The following CRACD variants were observed in gnomAD, a reference collection of about 807,000 sequenced individuals.
The protein encoded by CRACD is capping protein inhibiting regulator of actin dynamics, also known as capping protein-inhibiting regulator of actin dynamics.
Under a neutral mutation model 106.8 loss-of-function variants are expected in CRACD, and 56 were observed. That is an observed-to-expected ratio of 0.52 (90% CI 0.42 to 0.66). The LOEUF is 0.66. Ranked by LOEUF, CRACD falls within the 30% of genes least tolerant of loss-of-function variation. CRACD has a pLI of 0.00. For missense variants in CRACD, 1,730 were observed against 1,623.2 expected (o/e 1.07, Z -1.13); for synonymous variants, 754 against 670.8 (o/e 1.12, Z -1.92).
At chr4:56,219,145 A>T (rs1166193587) in intron 2 of CRACD, among the ~76,000 whole-genome samples, 1 of 151,770 alleles carries the variant, frequency 6.6e-6, no homozygotes, top group South Asian at 2.1e-4. Flanking sequence ...CCTTACTTTT[A>T]CTCCCTGTTG....
chr4:56,137,181 C>T (rs754256575), intron 1 of CRACD, among the ~76,000 whole-genome samples: 7 of 151,824 alleles, frequency 4.6e-5, no homozygotes, highest in Non-Finnish European at 1.0e-4. Flanking sequence ...CCTGTAATCT[C>T]GATGACTTGA....
At chr4:56,324,427 A>G (rs1191112611) in intron 10 of CRACD, among the ~76,000 whole-genome samples, 161 bp downstream of exon 10, 2 of 152,248 alleles carry the variant, frequency 1.3e-5, no homozygotes, top group African/African-American at 4.8e-5. Context: ...GATTAAGCTC[A>G]TTTGATAAAG....
chr4:56,090,327 C>T (rs1160513150), intron 1 of CRACD, among the ~76,000 whole-genome samples: 1 of 152,140 alleles, frequency 6.6e-6, no homozygotes, highest in African/African-American at 2.4e-5. Flanking sequence ...CTCTTATACC[C>T]AGGCGTTCCT....
intron 2 of CRACD, among the ~76,000 whole-genome samples, chr4:56,266,004 G>A (rs1316226424): frequency 6.6e-6 from 1 of 151,606 alleles, no homozygotes; most frequent in Non-Finnish European, 1.5e-5. Context: ...TAATTATGAT[G>A]ATGCAGCCAT....
At chr4:56,116,865 G>A (rs1240478675) in intron 1 of CRACD, among the ~76,000 whole-genome samples, 1 of 151,590 alleles carries the variant, frequency 6.6e-6, no homozygotes, top group Non-Finnish European at 1.5e-5. Flanking sequence ...ACGGCACCAC[G>A]CCTGACTAAT....
rs149097452 is a variant in CRACD, at chr4:56,325,041, A to G, written c.3541+775A>G. Among the ~76,000 whole-genome samples, 8 of 152,322 alleles carry G rather than the reference A, an allele frequency of 5.3e-5. No individual in the cohort carries two copies. In the East Asian group the frequency reaches 1.4e-3, roughly 26 times the overall value. On this transcript the variant is annotated intron_variant, in intron 10 of 10. Transcript: ENST00000682029. ...ATCAATTTTAAAAATACAGAAAAGA[A>G]AGATAAATGTGGGCCAGGTATGGTG...
chr4:56,227,008 G>C (rs559962588), intron 2 of CRACD, among the ~76,000 whole-genome samples: 23 of 151,776 alleles, frequency 1.5e-4, no homozygotes, highest in Admixed American at 3.3e-4. Flanking sequence ...CAGAAGCCAA[G>C]CAGATACTGG....
At chr4:56,166,353 G>A (rs894040797) in intron 1 of CRACD, among the ~76,000 whole-genome samples, 37 of 152,270 alleles carry the variant, frequency 2.4e-4, no homozygotes, top group African/African-American at 8.7e-4. Flanking sequence ...GATCCTAAGT[G>A]TCCAACAACA....
rs1344411560 is a variant in CRACD, at chr4:56,049,105, C to G, written c.-530C>G. ...CCGCGCGGGGCCGGGCGCGCAGTGC[C>G]GCGCGGTGGCGGCAGTGGGGAGAGC... On this transcript the variant is annotated 5_prime_UTR_variant, in exon 1 of 11. Coordinates refer to ENST00000682029, the MANE Select transcript of CRACD (RefSeq NM_001393381.1). 3 of 149,768 alleles carry G rather than the reference C, an allele frequency of 2.0e-5. No homozygotes were observed. Among genetic ancestry groups the G allele is most frequent in the Non-Finnish European group, 4.5e-5 (3 of 67,144 alleles). The allele number at this position is 149,768 out of a possible 1,614,324, so 9.3% of individuals were successfully genotyped here. A position where few individuals can be genotyped will look rare whatever the true frequency, so the allele number is the denominator to read the frequency against.
intron 1 of CRACD, among the ~76,000 whole-genome samples, chr4:56,153,217 T>A (rs1735648796): frequency 6.6e-6 from 1 of 151,832 alleles, no homozygotes; most frequent in African/African-American, 2.4e-5. Context: ...AGGCGGAGGC[T>A]GCAGTGAGCT....
At chr4:56,189,623 C>T (rs1342523764) in intron 2 of CRACD, among the ~76,000 whole-genome samples, 1 of 142,762 alleles carries the variant, frequency 7.0e-6, no homozygotes, top group Non-Finnish European at 1.5e-5. Flanking sequence ...TGTTCAATTC[C>T]CACCTATGAG....
chr4:56,138,636 C>T (rs1046645857), intron 1 of CRACD, among the ~76,000 whole-genome samples: 3 of 152,030 alleles, frequency 2.0e-5, no homozygotes, highest in African/African-American at 7.2e-5. Flanking sequence ...TAAATTCAGA[C>T]TTTATCTATT....
chr4:56,189,122 G>T (rs1195306340), intron 2 of CRACD, among the ~76,000 whole-genome samples: 2 of 151,948 alleles, frequency 1.3e-5, no homozygotes, highest in Non-Finnish European at 2.9e-5. Context: ...GGGAGAGGTT[G>T]CAGTGAGCTA....
At chr4:56,318,989 C>A (rs1019958611) in intron 8 of CRACD, among the ~76,000 whole-genome samples, 1 of 152,160 alleles carries the variant, frequency 6.6e-6, no homozygotes, top group Admixed American at 6.5e-5. Context: ...AAGTAGCAGG[C>A]AAAGAGTTCC....
In CRACD at chr4:56,301,265, T is replaced by C. The variant is rs752501351; in HGVS notation, c.120+2916T>C. 4.3e-5 allele frequency: 55 copies of C among 1,278,498 alleles called. No individual in the cohort carries two copies. In the South Asian group the frequency reaches 5.5e-4, roughly 13 times the overall value. The allele number at this position is 1,278,498 out of a possible 1,614,324, so 79.2% of individuals were successfully genotyped here. A position where few individuals can be genotyped will look rare whatever the true frequency, so the allele number is the denominator to read the frequency against. On this transcript the variant is annotated intron_variant, in intron 4 of 10. Coordinates refer to ENST00000682029, the MANE Select transcript of CRACD (RefSeq NM_001393381.1). ...TGTTCCTGGTAAGTCGTAGAAGTGA[T>C]AGTAACTTTATTAACTTGCATGAAT...
intron 1 of CRACD, among the ~76,000 whole-genome samples, chr4:56,072,023 G>C (rs1158772221): frequency 6.6e-6 from 1 of 151,476 alleles, no homozygotes; most frequent in Admixed American, 6.6e-5. Flanking sequence ...AGCTACGCGG[G>C]AGGCTGAGGC....
intron 1 of CRACD, among the ~76,000 whole-genome samples, chr4:56,163,699 G>A (rs558527555): frequency 7.2e-5 from 11 of 152,056 alleles, no homozygotes; most frequent in African/African-American, 2.7e-4. Flanking sequence ...ACAAATCCAC[G>A]ATATCTTCCT....
chr4:56,223,960 C>T (rs1256587754), intron 2 of CRACD, among the ~76,000 whole-genome samples: 4 of 152,020 alleles, frequency 2.6e-5, no homozygotes, highest in African/African-American at 9.7e-5. Flanking sequence ...GGTCTTGCTA[C>T]ATTGCCCAAG....
In CRACD at chr4:56,145,497, T is replaced by C. The variant is rs189086758; in HGVS notation, c.-335-33787T>C. 4.6e-3 allele frequency among the ~76,000 whole-genome samples: 707 copies of C among 152,332 alleles called. 1 individual carries two copies. Among genetic ancestry groups the C allele is most frequent in the African/African-American group, 0.016 (673 of 41,574 alleles). On this transcript the variant is annotated intron_variant, in intron 1 of 10. Coordinates refer to ENST00000682029, the MANE Select transcript of CRACD (RefSeq NM_001393381.1). Reference sequence around the variant, plus strand: ...ATCTGTTAATATCTCCTGAAATGAGTGTTCAGTGGAACACAGTTTGAGGGT... The same window carrying C: ...ATCTGTTAATATCTCCTGAAATGAGCGTTCAGTGGAACACAGTTTGAGGGT...
Sources: allele counts gnomAD v4.1 joint callset (sites outside exome capture counted in the v4.1 genomes callset), GRCh38; gene constraint gnomAD v4.1.1; transcripts MANE v1.5; gene names NCBI Gene and HGNC (gene_info 2026-07-23, HGNC 2026-07-21).